The following ST3GAL3 variants were observed in gnomAD, a reference collection of about 807,000 sequenced individuals.
ST3GAL3 encodes ST3 beta-galactoside alpha-2,3-sialyltransferase 3, also known as CMP-N-acetylneuraminate-beta-1,4-galactoside alpha-2,3-sialyltransferase.
In ST3GAL3, 21 loss-of-function variants were observed where a neutral mutation model predicts 50.1. That is an observed-to-expected ratio of 0.42 (90% CI 0.30 to 0.60). The LOEUF (loss-of-function observed/expected upper bound fraction) is 0.60, where lower values mean the gene tolerates loss of function less well. Ranked by LOEUF, ST3GAL3 falls within the 20% of genes least tolerant of loss-of-function variation. ST3GAL3 has a pLI of 0.19. For synonymous variants in ST3GAL3, 183 were observed against 190.0 expected (o/e 0.96, Z 0.30); for missense variants, 353 against 489.4 (o/e 0.72, Z 2.63).
At chr1:43,894,534 C>G in intron 6 of ST3GAL3, 57 bp downstream of exon 6, 1 of 1,506,200 alleles carries the variant, frequency 6.6e-7, no homozygotes, top group Non-Finnish European at 9.2e-7. Context: ...GTCTCCCTGT[C>G]CTTCAGACAA....
chr1:43,732,207 C>T (rs115892885), intron 1 of ST3GAL3, among the ~76,000 whole-genome samples: 2,040 of 152,298 alleles, frequency 0.013, 50 homozygotes, highest in African/African-American at 0.047. Context: ...TTCGTTTCTT[C>T]TGTGTACTGG....
intron 2 of ST3GAL3, among the ~76,000 whole-genome samples, chr1:43,787,961 G>A (rs1395651844): frequency 2.0e-5 from 3 of 152,188 alleles, no homozygotes. Flanking sequence ...GTTTCAGCAT[G>A]TACAGTGAAT....
intron 5 of ST3GAL3, chr1:43,850,648 C>T: frequency 1.3e-6 from 1 of 745,160 alleles, no homozygotes; most frequent in Non-Finnish European, 2.5e-6. Flanking sequence ...CCATCTGTGC[C>T]TTTGATTGAA....
intron 5 of ST3GAL3, among the ~76,000 whole-genome samples, chr1:43,888,338 A>AAAC (rs111775183): frequency 0.014 from 2,150 of 152,240 alleles, 50 homozygotes; most frequent in African/African-American, 0.049. Flanking sequence ...ATTTGACTTA[A>AAAC]AACAACAACA....
intron 4 of ST3GAL3, among the ~76,000 whole-genome samples, chr1:43,815,775 G>GT (rs2061156263): frequency 6.6e-6 from 1 of 152,174 alleles, no homozygotes; most frequent in Non-Finnish European, 1.5e-5. Context: ...CAAGTATTGA[G>GT]TATCTAATCC....
At chr1:43,785,310 A>G (rs2057165475) in intron 2 of ST3GAL3, among the ~76,000 whole-genome samples, 1 of 152,220 alleles carries the variant, frequency 6.6e-6, no homozygotes, top group Admixed American at 6.5e-5. Flanking sequence ...TCTGAGCTTC[A>G]GACCCTGTGG....
intron 5 of ST3GAL3, among the ~76,000 whole-genome samples, chr1:43,859,233 G>C (rs1450387498): frequency 6.6e-6 from 1 of 152,180 alleles, no homozygotes; most frequent in Middle Eastern, 3.2e-3. Context: ...CATCTTTGTG[G>C]CCCTTGTGTT....
intron 1 of ST3GAL3, among the ~76,000 whole-genome samples, chr1:43,719,766 C>T (rs1669425111): frequency 6.6e-6 from 1 of 151,554 alleles, no homozygotes; most frequent in Admixed American, 6.6e-5. Flanking sequence ...AAGCCCGTCT[C>T]TACTAAAAAT....
In ST3GAL3 at chr1:43,842,317, T is replaced by C. The variant is rs569400970; in HGVS notation, c.302+4006T>C. 5 of 152,096 alleles carry C rather than the reference T, an allele frequency of 3.3e-5. No homozygotes were observed. The South Asian group carries it at 1.0e-3, about 32-fold the overall frequency. 9.4% of individuals were successfully genotyped at this position (152,096 alleles called of 1,614,324 possible). A position where few individuals can be genotyped will look rare whatever the true frequency, so the allele number is the denominator to read the frequency against. ...AGATATCTTTCTAACAATACCCTAC[T>C]CCTGGTACCAATTTTATGTATTAGG... On this transcript the variant is annotated intron_variant, in intron 5 of 11. Transcript: ENST00000347631.
rs189807346 is a variant in ST3GAL3 at position 43,770,595 on chromosome 1, A to G, written c.119-21507A>G. Among the ~76,000 whole-genome samples, 163 of 152,212 alleles carry G rather than the reference A, an allele frequency of 1.1e-3. 1 individual carries two copies. Among genetic ancestry groups the G allele is most frequent in the African/African-American group, 3.8e-3 (158 of 41,528 alleles). On this transcript the variant is annotated intron_variant, in intron 2 of 11. Transcript: ENST00000347631. Reference sequence around the variant, plus strand: ...CTTTTTTTTGAGATGGAGTCTCAGTATATTGCCCAGATTAGTCTTGAACTC... The same window carrying G: ...CTTTTTTTTGAGATGGAGTCTCAGTGTATTGCCCAGATTAGTCTTGAACTC...
intron 1 of ST3GAL3, chr1:43,720,469 A>T (rs1669866868): frequency 6.6e-6 from 1 of 152,208 alleles, no homozygotes; most frequent in Admixed American, 6.5e-5. Flanking sequence ...TTTATTTCTT[A>T]CAGTTTTGGA....
chr1:43,791,106 GT>G, intron 2 of ST3GAL3, among the ~76,000 whole-genome samples: 1 of 152,224 alleles, frequency 6.6e-6, no homozygotes, highest in Admixed American at 6.5e-5. Flanking sequence ...TTCTTGTTGG[GT>G]TTGACCCTCA....
rs1257133586 is a variant in ST3GAL3 at position 43,717,873 on chromosome 1, T to A, written c.-31+10180T>A. 3.3e-3 allele frequency among the ~76,000 whole-genome samples: 486 copies of A among 146,580 alleles called. 2 individuals carry two copies. Among genetic ancestry groups the A allele is most frequent in the African/African-American group, 0.012 (464 of 39,782 alleles). The stretch of plus-strand genomic sequence containing the variant: ...ACAAATAATTATACCTATCATGAAT[T>A]TTTTTTTTTTTTAAATGAGACGGAG... On this transcript the variant is annotated intron_variant, in intron 1 of 11. Transcript: ENST00000347631.
chr1:43,722,651 T>C (rs1671032115), intron 1 of ST3GAL3, among the ~76,000 whole-genome samples: 2 of 152,124 alleles, frequency 1.3e-5, no homozygotes, highest in South Asian at 4.1e-4. Context: ...AGGAAGTATT[T>C]AGGGATAAAA....
chr1:43,867,044 C>G (rs565606819), intron 5 of ST3GAL3, among the ~76,000 whole-genome samples: 1 of 152,156 alleles, frequency 6.6e-6, no homozygotes, highest in Non-Finnish European at 1.5e-5. Context: ...GCAGGAGAGT[C>G]GCTTCAACCC....
In ST3GAL3 at chr1:43,870,211, T is replaced by C. The variant is rs112313568; in HGVS notation, c.303-24172T>C. Among the ~76,000 whole-genome samples, 58 of 152,346 alleles carry C rather than the reference T, an allele frequency of 3.8e-4. 2 individuals carry two copies. The highest frequency in any genetic ancestry group is 1.2e-3 in the African/African-American group (49 of 41,590). On this transcript the variant is annotated intron_variant, in intron 5 of 11. Transcript: ENST00000347631. ...GCCTACTTACTTCAAATGAATTTTG[T>C]GAGGCTAAAATGATATTGTATAATG...
At chr1:43,713,827 C>T (rs897347155) in intron 1 of ST3GAL3, among the ~76,000 whole-genome samples, 4 of 152,140 alleles carry the variant, frequency 2.6e-5, no homozygotes, top group Non-Finnish European at 4.4e-5. Flanking sequence ...TGAGCCACTA[C>T]GGCCAGCCAC....
At chr1:43,886,469 T>C (rs1276556383) in intron 5 of ST3GAL3, among the ~76,000 whole-genome samples, 1 of 152,228 alleles carries the variant, frequency 6.6e-6, no homozygotes, top group Admixed American at 6.5e-5. Flanking sequence ...TATCACAACA[T>C]CACTTTGTAC....
At chr1:43,865,182 A>G (rs1411819568) in intron 5 of ST3GAL3, among the ~76,000 whole-genome samples, 6 of 149,738 alleles carry the variant, frequency 4.0e-5, no homozygotes, top group Non-Finnish European at 5.9e-5. Context: ...ACGCCCGGCT[A>G]TTTTTTTTTG....
Sources: allele counts gnomAD v4.1 joint callset (sites outside exome capture counted in the v4.1 genomes callset), GRCh38; gene constraint gnomAD v4.1.1; transcripts MANE v1.5; gene names NCBI Gene and HGNC (gene_info 2026-07-23, HGNC 2026-07-21).